RRM1: variants seen among roughly 807,000 people sequenced by gnomAD.
The protein encoded by RRM1 is ribonucleoside-diphosphate reductase large subunit.
In RRM1, 19 loss-of-function variants were observed where a neutral mutation model predicts 101.5. The ratio of observed to expected loss-of-function variants is 0.19; its 90% CI spans 0.13 to 0.27. The LOEUF is 0.27. Among genes scored for constraint, RRM1 ranks in the 10% least tolerant of loss-of-function variants. RRM1 has a pLI of 1.00. For missense variants in RRM1, 500 were observed against 962.9 expected (o/e 0.52, Z 6.36); for synonymous variants, 298 against 323.4 (o/e 0.92, Z 0.84).
At chr11:4,126,532 G>T in intron 12 of RRM1, 152 bp from the exon 13 acceptor site, 1 of 653,474 alleles carries the variant, frequency 1.5e-6, no homozygotes, top group Non-Finnish European at 2.6e-6. Flanking sequence ...GTGGGATTTA[G>T]AAATGGACTG....
intron 7 of RRM1, among the ~76,000 whole-genome samples, chr11:4,116,966 C>CAAA (rs143763284): frequency 7.7e-6 from 1 of 129,522 alleles, no homozygotes. Flanking sequence ...AACCCTGTCT[C>CAAA]AAAAAAAAAG....
chr11:4,112,232 G>A (rs537181055), intron 7 of RRM1, among the ~76,000 whole-genome samples, 170 bp downstream of exon 7: 57 of 152,298 alleles, frequency 3.7e-4, no homozygotes, highest in South Asian at 6.2e-4. Context: ...TGGAGAAAAG[G>A]CAAATGCTTA....
chr11:4,115,598 T>C (rs1735055), intron 7 of RRM1, among the ~76,000 whole-genome samples: 143,233 of 151,988 alleles, frequency 0.94, 67,520 homozygotes, highest in Admixed American at 0.96. Context: ...CTCTTGTCAC[T>C]GAGGCTGGAG....
chr11:4,129,929 T>G (rs763995601), intron 15 of RRM1, among the ~76,000 whole-genome samples: 3 of 151,064 alleles, frequency 2.0e-5, no homozygotes, highest in Non-Finnish European at 4.4e-5. Context: ...AAAATGAAAA[T>G]TATACTAATA....
intron 16 of RRM1, among the ~76,000 whole-genome samples, chr11:4,133,049 T>C (rs1364971717): frequency 6.6e-6 from 1 of 152,236 alleles, no homozygotes; most frequent in Non-Finnish European, 1.5e-5. Flanking sequence ...TCTTTTTTAA[T>C]GAAAATATTT....
At chr11:4,097,848 C>G (rs1325773835) in intron 1 of RRM1, among the ~76,000 whole-genome samples, 1 of 152,116 alleles carries the variant, frequency 6.6e-6, no homozygotes, top group Non-Finnish European at 1.5e-5. Context: ...ACTGTGAGGG[C>G]AGTAATGGAG....
rs2094607027 is a variant in RRM1 at position 4,135,126 on chromosome 11, T to C, written c.2046T>C (p.Thr682=). The C allele has an allele frequency of 1.2e-6, 2 of 1,613,116 alleles. No homozygotes were observed. The highest frequency in any genetic ancestry group is 1.1e-5 in the South Asian group (1 of 90,796). The change falls in exon 18 of 19, where the codon ACT becomes ACC. Residue 682 remains threonine (T), a synonymous_variant. Transcript: ENST00000300738. ...ATGACCTGAAGCAACTTTATAAAACTGTGTGGGAAATCTCTCAGAAAACTG... is the reference window on the plus strand; with the variant it reads ...ATGACCTGAAGCAACTTTATAAAACCGTGTGGGAAATCTCTCAGAAAACTG... ...IPDDLKQLYK[T]VWEISQKTVL... is the part of the protein sequence containing the mutation.
rs2094557893 is a variant in RRM1 at position 4,106,058 on chromosome 11, A to G, written c.121A>G (p.Met41Val). ...TTTATTTTTGTAGGCTCAGATCACC[A>G]TGAAAGTAATCCAAGGCTTGTACAG... ...MDFVDPAQIT[M>V]KVIQGLYSGV... Residue 41 changes from methionine (M) to valine (V), a missense_variant, in exon 3 of 19, where the codon ATG becomes GTG. Physicochemically the swap from Met to Val is conservative, Grantham distance 21. Coordinates refer to ENST00000300738, the MANE Select transcript of RRM1 (RefSeq NM_001033.5). 3 of 1,611,812 alleles carry G rather than the reference A, an allele frequency of 1.9e-6. No homozygotes were observed. Among genetic ancestry groups the G allele is most frequent in the Non-Finnish European group, 2.5e-6 (3 of 1,179,454 alleles).
chr11:4,096,085 G>C (rs1403748063), intron 1 of RRM1, among the ~76,000 whole-genome samples: 2 of 152,162 alleles, frequency 1.3e-5, no homozygotes, highest in Non-Finnish European at 2.9e-5. Context: ...GAATGCAGTG[G>C]TGTAATCATA....
intron 9 of RRM1, among the ~76,000 whole-genome samples, chr11:4,121,128 C>T (rs1018701518): frequency 6.6e-6 from 1 of 152,206 alleles, no homozygotes; most frequent in African/African-American, 2.4e-5. Flanking sequence ...TGGTTTACAA[C>T]TAGAGTCTGC....
At chr11:4,115,130 A>G (rs1248654416) in intron 7 of RRM1, among the ~76,000 whole-genome samples, 1 of 152,228 alleles carries the variant, frequency 6.6e-6, no homozygotes, top group Non-Finnish European at 1.5e-5. Flanking sequence ...ATATAGATTC[A>G]AAGTAATTCT....
chr11:4,095,308 G>A (rs2094542088), intron 1 of RRM1, among the ~76,000 whole-genome samples: 2 of 140,812 alleles, frequency 1.4e-5, no homozygotes, highest in South Asian at 4.6e-4. Context: ...GACTGCGTAC[G>A]CCGAGCACTT....
intron 1 of RRM1, 142 bp downstream of exon 1, chr11:4,095,173 C>G: frequency 9.9e-7 from 1 of 1,011,848 alleles, no homozygotes; most frequent in Non-Finnish European, 1.5e-6. Flanking sequence ...GCCCTGTCAG[C>G]CCGCTCGGCC....
rs2094582078 is a variant in RRM1 at position 4,121,645 on chromosome 11, A to G, written c.918A>G (p.Leu306=). 5.6e-6 allele frequency: 9 copies of G among 1,614,000 alleles called. No individual in the cohort carries two copies. The highest frequency in any genetic ancestry group is 7.6e-6 in the Non-Finnish European group (9 of 1,179,920). ...AFAIYLEPWH[L]DIFEFLDLKK... Reference sequence around the variant, plus strand: ...CTATTTACCTGGAGCCTTGGCATTTAGACATCTTTGAATTCCTTGATTTAA... The same window carrying G: ...CTATTTACCTGGAGCCTTGGCATTTGGACATCTTTGAATTCCTTGATTTAA... Residue 306 remains leucine, a synonymous_variant, in exon 10 of 19, where the codon TTA becomes TTG. Transcript: ENST00000300738.
chr11:4,104,378 C>A (rs1443631618), intron 2 of RRM1, among the ~76,000 whole-genome samples: 1 of 152,114 alleles, frequency 6.6e-6, no homozygotes, highest in East Asian at 1.9e-4. Flanking sequence ...GGGGAGTATG[C>A]ATTGTTCAGC....
chr11:4,131,140 A>G (rs1297069174), intron 15 of RRM1, among the ~76,000 whole-genome samples: 1 of 152,224 alleles, frequency 6.6e-6, no homozygotes, highest in Non-Finnish European at 1.5e-5. Flanking sequence ...GAAACTTACA[A>G]TCATAGCAGA....
Position 4,112,015 on chromosome 11 carries a change from T to A in RRM1, c.603T>A (p.Ala201=). ...TTTCTGAGAGGTGGTTTACTCATGC[T>A]TCGCCCACTCTCTTCAATGCTGGTA... ...NLLSERWFTH[A]SPTLFNAGTN... The change falls in exon 7 of 19, where the codon GCT becomes GCA. Residue 201 remains alanine (A), a synonymous_variant. Transcript: ENST00000300738. 1 of 1,614,206 alleles carries A rather than the reference T, an allele frequency of 6.2e-7. No individual in the cohort carries two copies. The highest frequency in any genetic ancestry group is 8.5e-7 in the Non-Finnish European group (1 of 1,180,024).
chr11:4,105,183 C>T (rs2094556617), intron 2 of RRM1, among the ~76,000 whole-genome samples: 1 of 152,084 alleles, frequency 6.6e-6, no homozygotes, highest in African/African-American at 2.4e-5. Flanking sequence ...TACTAAGTTT[C>T]CCACTGCCCA....
chr11:4,119,393 A>T (rs2094578338), intron 8 of RRM1, among the ~76,000 whole-genome samples: 1 of 152,198 alleles, frequency 6.6e-6, no homozygotes, highest in African/African-American at 2.4e-5. Flanking sequence ...TATTGCTGAG[A>T]ATCTCCTTTT....
Sources: allele counts gnomAD v4.1 joint callset (sites outside exome capture counted in the v4.1 genomes callset), GRCh38; gene constraint gnomAD v4.1.1; transcripts MANE v1.5; gene names NCBI Gene and HGNC (gene_info 2026-07-23, HGNC 2026-07-21).